CFAP20DC: variants seen among roughly 807,000 people sequenced by gnomAD.
CFAP20DC encodes CFAP20 domain containing, also known as protein CFAP20DC.
In CFAP20DC, 84 loss-of-function variants were observed where a neutral mutation model predicts 101.7. The observed-to-expected ratio is 0.83, with a 90% confidence interval of 0.69 to 0.99. The LOEUF is 0.99. Ranked by LOEUF, CFAP20DC falls within the 50% of genes least tolerant of loss-of-function variation. The pLI is 0.00. For synonymous variants in CFAP20DC, 359 were observed against 351.2 expected (o/e 1.02, Z -0.25); for missense variants, 1,007 against 970.3 (o/e 1.04, Z -0.50).
chr3:59,019,140 A>G (rs981885896), intron 4 of CFAP20DC: 2 of 152,158 alleles, frequency 1.3e-5, no homozygotes, highest in East Asian at 1.9e-4. Context: ...GTCTCAAACC[A>G]TAAGTGTTAT....
intron 6 of CFAP20DC, among the ~76,000 whole-genome samples, chr3:58,898,684 C>T (rs943621820): frequency 1.3e-5 from 2 of 152,176 alleles, no homozygotes; most frequent in Non-Finnish European, 1.5e-5. Context: ...GCCTACTTGT[C>T]AGTTTAGTCA....
At chr3:58,828,061 A>T (rs994348750) in intron 14 of CFAP20DC, among the ~76,000 whole-genome samples, 1 of 152,094 alleles carries the variant, frequency 6.6e-6, no homozygotes, top group East Asian at 1.9e-4. Context: ...GCATCTAGGG[A>T]CTACAGAATG....
intron 5 of CFAP20DC, among the ~76,000 whole-genome samples, chr3:58,930,872 C>T (rs748025602): frequency 3.3e-5 from 5 of 152,152 alleles, no homozygotes; most frequent in Admixed American, 6.6e-5. Flanking sequence ...TGCATTTCCA[C>T]CTGAGGTACC....
At chr3:58,774,090 C>A (rs1028603904) in intron 15 of CFAP20DC, among the ~76,000 whole-genome samples, 1 of 151,754 alleles carries the variant, frequency 6.6e-6, no homozygotes, top group Admixed American at 6.6e-5. Flanking sequence ...GGAGGGGAAT[C>A]ATTTCAGGGG....
intron 15 of CFAP20DC, among the ~76,000 whole-genome samples, chr3:58,791,006 G>A (rs571349614): frequency 1.3e-5 from 2 of 152,106 alleles, no homozygotes; most frequent in Non-Finnish European, 2.9e-5. Flanking sequence ...CTATAGAGAA[G>A]CCTACATCAG....
At chr3:58,745,225 T>C (rs2068111584) in intron 16 of CFAP20DC, among the ~76,000 whole-genome samples, 1 of 152,154 alleles carries the variant, frequency 6.6e-6, no homozygotes, top group Admixed American at 6.5e-5. Context: ...AGTATGTACA[T>C]CCTCTACTTT....
chr3:58,834,393 CA>C (rs1041881215), intron 13 of CFAP20DC, among the ~76,000 whole-genome samples: 1 of 152,102 alleles, frequency 6.6e-6, no homozygotes, highest in African/African-American at 2.4e-5. Context: ...CACACTTTTA[CA>C]ATGAAAAACA....
chr3:58,796,965 A>G (rs1176246110), intron 15 of CFAP20DC, among the ~76,000 whole-genome samples: 1 of 152,180 alleles, frequency 6.6e-6, no homozygotes, highest in Non-Finnish European at 1.5e-5. Flanking sequence ...CAAATTTAGT[A>G]AATGCGGTTT....
At chr3:58,986,276 G>C (rs1156505004) in intron 4 of CFAP20DC, among the ~76,000 whole-genome samples, 2 of 152,110 alleles carry the variant, frequency 1.3e-5, no homozygotes, top group African/African-American at 2.4e-5. Flanking sequence ...TGTTTATTGG[G>C]GGATGAGCTA....
intron 12 of CFAP20DC, among the ~76,000 whole-genome samples, chr3:58,852,922 G>T (rs1454267471): frequency 6.6e-6 from 1 of 151,724 alleles, no homozygotes; most frequent in Non-Finnish European, 1.5e-5. Flanking sequence ...ACAATTAAAA[G>T]AACTAGAAAA....
At chr3:58,814,213 A>T (rs1271899144) in intron 14 of CFAP20DC, among the ~76,000 whole-genome samples, 1 of 151,856 alleles carries the variant, frequency 6.6e-6, no homozygotes, top group Non-Finnish European at 1.5e-5. Flanking sequence ...TACTTACACC[A>T]ATGCCCAAAC....
intron 6 of CFAP20DC, among the ~76,000 whole-genome samples, chr3:58,895,316 G>A (rs2082579840): frequency 6.6e-6 from 1 of 152,154 alleles, no homozygotes; most frequent in Non-Finnish European, 1.5e-5. Context: ...GCCTTTAACA[G>A]CACCCAAGTC....
intron 16 of CFAP20DC, among the ~76,000 whole-genome samples, chr3:58,751,867 A>ACACACACACACAC (rs1553645550): frequency 8.8e-5 from 12 of 136,224 alleles, no homozygotes; most frequent in African/African-American, 2.9e-4. Flanking sequence ...ACACACACAC[A>ACACACACACACAC]AAATTTCCTC....
At chr3:58,778,883 A>C (rs2071578481) in intron 15 of CFAP20DC, among the ~76,000 whole-genome samples, 1 of 152,194 alleles carries the variant, frequency 6.6e-6, no homozygotes. Context: ...GATATCATAC[A>C]GAGACTACAC....
intron 4 of CFAP20DC, among the ~76,000 whole-genome samples, chr3:58,951,175 A>G (rs1319487288): frequency 6.6e-6 from 1 of 152,244 alleles, no homozygotes; most frequent in Admixed American, 6.5e-5. Context: ...ATCACTGGCC[A>G]TCAGAGAAAT....
rs57246966 is a variant in CFAP20DC, at chr3:58,752,006, C to A, written c.2332+1763G>T. 4.5e-3 allele frequency among the ~76,000 whole-genome samples: 688 copies of A among 152,274 alleles called. 5 individuals are homozygous for A. The highest frequency in any genetic ancestry group is 0.016 in the African/African-American group (650 of 41,548). On this transcript the variant is annotated intron_variant, in intron 16 of 16. Coordinates refer to ENST00000482387, the MANE Select transcript of CFAP20DC (RefSeq NM_001394063.1). Reference sequence around the variant, plus strand: ...TGCTCACAACCATACTTCCCTTCCCCTTCTGATGATATAAACTGGAAACTT... The same window carrying A: ...TGCTCACAACCATACTTCCCTTCCCATTCTGATGATATAAACTGGAAACTT...
chr3:58,755,824 A>C (rs565816925), intron 15 of CFAP20DC, among the ~76,000 whole-genome samples: 2 of 152,164 alleles, frequency 1.3e-5, no homozygotes, highest in Admixed American at 1.3e-4. Flanking sequence ...ACCTAACTAT[A>C]TATCTATCTA....
rs1271464800 is a variant in CFAP20DC, at chr3:58,882,099, C to A, written c.715+2446G>T. Among the ~76,000 whole-genome samples the A allele has an allele frequency of 6.6e-6, 1 of 152,006 alleles. No individual in the cohort carries two copies. The highest frequency in any genetic ancestry group is 1.5e-5 in the Non-Finnish European group (1 of 67,950). ...CAATCATAAACCCTATGGTTACAAA[C>A]GAATATAATTGGGATTCACAGAGCA... On this transcript the variant is annotated intron_variant, in intron 7 of 16. Coordinates refer to ENST00000482387, the MANE Select transcript of CFAP20DC (RefSeq NM_001394063.1). This position sits in a 1 kb window ranked among gnomAD's most constrained non-coding sequence, Gnocchi z 4.2.
intron 1 of CFAP20DC, 83 bp from the exon 2 acceptor site, chr3:59,047,337 G>T: frequency 1.1e-6 from 1 of 878,356 alleles, no homozygotes; most frequent in Non-Finnish European, 1.7e-6. Context: ...AGTGTTCCCG[G>T]CATCTGTCAG....
Sources: gnomAD v4.1 joint callset for allele counts (sites outside exome capture counted in the v4.1 genomes callset) on GRCh38, gnomAD v4.1.1 for gene constraint, Gnocchi (gnomAD v3.1) non-coding constraint, MANE v1.5 for transcripts, NCBI Gene and HGNC (gene_info 2026-07-23, HGNC 2026-07-21) for gene names.